Variants in SLC47A1 observed in about 807,000 individuals in gnomAD.
SLC47A1 encodes the protein multidrug and toxin extrusion protein 1.
SLC47A1 carries 58 observed loss-of-function variants against 65.8 expected under a neutral mutation model. The observed-to-expected ratio is 0.88, with a 90% CI of 0.71 to 1.10. The LOEUF (loss-of-function observed/expected upper bound fraction) is 1.10, where lower values mean the gene tolerates loss of function less well. Among genes scored for constraint, SLC47A1 ranks in the 50% least tolerant of loss-of-function variants. The pLI, the probability that SLC47A1 is intolerant of heterozygous loss-of-function variation, is 0.00. For missense variants in SLC47A1, 706 were observed against 719.2 expected (o/e 0.98, Z 0.21); for synonymous variants, 285 against 295.0 (o/e 0.97, Z 0.35).
intron 6 of SLC47A1, among the ~76,000 whole-genome samples, chr17:19,553,512 TC>T (rs1040910308): frequency 4.0e-5 from 6 of 150,656 alleles, no homozygotes; most frequent in African/African-American, 1.5e-4. Context: ...CTCCCAATCC[TC>T]CATGCCACCA....
At chr17:19,547,706 C>T (rs1916327687) in intron 3 of SLC47A1, among the ~76,000 whole-genome samples, 1 of 145,144 alleles carries the variant, frequency 6.9e-6, no homozygotes, top group Non-Finnish European at 1.5e-5. Flanking sequence ...GTGTCTAGGG[C>T]CATGGGCTTC....
chr17:19,543,634 G>A (rs1407004366), intron 2 of SLC47A1, among the ~76,000 whole-genome samples: 1 of 152,178 alleles, frequency 6.6e-6, no homozygotes, highest in Non-Finnish European at 1.5e-5. Context: ...GGGAGGAACT[G>A]CAAATCCTCT....
chr17:19,540,491 A>G (rs1467478147), intron 1 of SLC47A1, among the ~76,000 whole-genome samples: 1 of 152,170 alleles, frequency 6.6e-6, no homozygotes, highest in Non-Finnish European at 1.5e-5. Context: ...TGAATTCACA[A>G]TTTAAAGAGA....
Position 19,578,613 on chromosome 17 carries a change from C to G in SLC47A1, c.*1060C>G, listed in dbSNP as rs1308759485. On this transcript the variant is annotated 3_prime_UTR_variant, in exon 17 of 17. Transcript: ENST00000270570. ...ACCCTCAGTACATACTAAGTATGCTCAGTGCTGTGAAAGTGGATTACACCA... is the reference window on the plus strand; with the variant it reads ...ACCCTCAGTACATACTAAGTATGCTGAGTGCTGTGAAAGTGGATTACACCA... 1 of 152,572 alleles carries G rather than the reference C, an allele frequency of 6.6e-6. No homozygotes were observed. Among genetic ancestry groups the G allele is most frequent in the Non-Finnish European group, 1.5e-5 (1 of 68,318 alleles). 9.5% of individuals were successfully genotyped at this position (152,572 alleles called of 1,614,324 possible).
At position 19,562,089 on chromosome 17, in the gene SLC47A1, ACTT is replaced by A. The variant is rs138975795; in HGVS notation, c.1106+1600_1106+1602del. On this transcript the variant is annotated intron_variant, in intron 12 of 16. Transcript: ENST00000270570. ...GACTATATAGAAACTTCGTGGGGGT[ACTT>A]CTTATTTGGACACCTTTGTCAGCAG... Among the ~76,000 whole-genome samples, 649 of 152,276 alleles carry A rather than the reference ACTT, an allele frequency of 4.3e-3. 6 individuals are homozygous for A. Among genetic ancestry groups the A allele is most frequent in the African/African-American group, 0.015 (605 of 41,546 alleles).
At chr17:19,563,031 T>C (rs1281968229) in intron 12 of SLC47A1, among the ~76,000 whole-genome samples, 1 of 149,018 alleles carries the variant, frequency 6.7e-6, no homozygotes, top group East Asian at 2.0e-4. Flanking sequence ...AAATGTGGAA[T>C]AAACAGATAA....
intron 16 of SLC47A1, among the ~76,000 whole-genome samples, chr17:19,576,112 A>G (rs1376694298): frequency 6.6e-6 from 1 of 151,692 alleles, no homozygotes; most frequent in Admixed American, 6.6e-5. Context: ...ATTATTTTGT[A>G]AAAGGTTTGG....
At chr17:19,576,461 C>T (rs1295240063) in intron 16 of SLC47A1, among the ~76,000 whole-genome samples, 2 of 151,184 alleles carry the variant, frequency 1.3e-5, no homozygotes, top group African/African-American at 4.9e-5. Context: ...AGTGATCCTC[C>T]CACCTCAGTC....
Position 19,533,951 on chromosome 17 carries a change from T to C in SLC47A1, c.12T>C (p.Pro4=). 2.6e-6 allele frequency: 4 copies of C among 1,528,542 alleles called. No individual in the cohort carries two copies. Among genetic ancestry groups the C allele is most frequent in the Non-Finnish European group, 2.6e-6 (3 of 1,141,926 alleles). 94.7% of individuals were successfully genotyped at this position (1,528,542 alleles called of 1,614,324 possible). A position where few individuals can be genotyped will look rare whatever the true frequency, so the allele number is the denominator to read the frequency against. The part of the protein sequence containing the change: MEA[P]EEPAPVRGGP... ...AGCGCGCGAGTCACATGGAAGCTCCTGAGGAGCCCGCGCCAGTGCGCGGAG... is the reference window on the plus strand; with the variant it reads ...AGCGCGCGAGTCACATGGAAGCTCCCGAGGAGCCCGCGCCAGTGCGCGGAG... The change falls in exon 1 of 17, where the codon CCT becomes CCC. Residue 4 remains proline (P), a synonymous_variant. Coordinates refer to ENST00000270570, the MANE Select transcript of SLC47A1 (RefSeq NM_018242.3).
rs1391164104 is a variant in SLC47A1 at position 19,579,012 on chromosome 17, CA to C, written c.*1463del. 6.6e-6 allele frequency: 1 copy of C among 152,212 alleles called. No individual in the cohort carries two copies. The highest frequency in any genetic ancestry group is 1.5e-5 in the Non-Finnish European group (1 of 68,046). 9.4% of individuals were successfully genotyped at this position (152,212 alleles called of 1,614,324 possible). A position where few individuals can be genotyped will look rare whatever the true frequency, so the allele number is the denominator to read the frequency against. On this transcript the variant is annotated 3_prime_UTR_variant, in exon 17 of 17. Coordinates refer to ENST00000270570, the MANE Select transcript of SLC47A1 (RefSeq NM_018242.3). ...GCCCTGAACATGCAATTCTTTCTTC[CA>C]AAATAAAACATTAAATAGAGATTTT...
chr17:19,541,006 G>A (rs960636783), intron 1 of SLC47A1, among the ~76,000 whole-genome samples: 20 of 152,188 alleles, frequency 1.3e-4, no homozygotes, highest in Middle Eastern at 3.4e-3. Flanking sequence ...ATTATGGCTC[G>A]GGGGCCTGAT....
At chr17:19,551,325 G>A (rs996354365) in intron 5 of SLC47A1, 99 bp from the exon 6 acceptor site, 3 of 1,087,532 alleles carry the variant, frequency 2.8e-6, no homozygotes, top group Middle Eastern at 2.0e-4. Context: ...GCAGAGGGCA[G>A]CCGAACCTTG....
intron 3 of SLC47A1, 27 bp downstream of exon 3, chr17:19,546,530 A>G (rs1157135442): frequency 6.2e-7 from 1 of 1,605,852 alleles, no homozygotes; most frequent in African/African-American, 1.3e-5. Flanking sequence ...ACACGCTCAC[A>G]GTGACCTCAA....
intron 7 of SLC47A1, 73 bp downstream of exon 7, chr17:19,555,382 G>T: frequency 1.4e-6 from 2 of 1,479,598 alleles, no homozygotes. Flanking sequence ...GGAGAAGAGT[G>T]GGCTCTTCAG....
chr17:19,575,998 T>C (rs1483337389), intron 16 of SLC47A1, among the ~76,000 whole-genome samples: 2 of 151,896 alleles, frequency 1.3e-5, no homozygotes, highest in African/African-American at 4.8e-5. Flanking sequence ...GGATAGTAAA[T>C]GAGTACTAGG....
Position 19,574,932 on chromosome 17 carries a change from G to A in SLC47A1, c.1486+2071G>A, listed in dbSNP as rs1039927332. Among the ~76,000 whole-genome samples the A allele has an allele frequency of 8.5e-5, 13 of 152,264 alleles. 1 individual carries two copies. The highest frequency in any genetic ancestry group is 7.2e-4 in the Admixed American group (11 of 15,292). ...ATTACAGGCGTGAGCCACCACACCC[G>A]GCCTAACAATGGCACTTACTTTTAT... On this transcript the variant is annotated intron_variant, in intron 16 of 16. Transcript: ENST00000270570.
In SLC47A1 at chr17:19,560,451, T is replaced by TA. The variant is rs1189785693; in HGVS notation, c.1066dup (p.Ser356LysfsTer3). The TA allele has an allele frequency of 6.2e-7, 1 of 1,614,230 alleles. No individual in the cohort carries two copies. Among genetic ancestry groups the TA allele is most frequent in the African/African-American group, 1.3e-5 (1 of 75,046 alleles). On this transcript the variant is annotated frameshift_variant, in exon 12 of 17. Transcript: ENST00000270570. LOFTEE classifies it high-confidence loss of function. ...GCTGTAGCCTTCAGTGTCCTGCTGT[T>TA]AAGCTGTAAGGATCACGTGGGGTAC...
At chr17:19,575,283 C>T (rs546045304) in intron 16 of SLC47A1, among the ~76,000 whole-genome samples, 44 of 152,254 alleles carry the variant, frequency 2.9e-4, no homozygotes, top group Middle Eastern at 3.4e-3. Context: ...ACATTCCTAA[C>T]ATTCATCCAC....
rs762466587 is a variant in SLC47A1, at chr17:19,577,477, G to A, written c.1637G>A (p.Arg546Gln). 4.2e-5 allele frequency: 68 copies of A among 1,614,052 alleles called. No homozygotes were observed. The highest frequency in any genetic ancestry group is 5.3e-5 in the Non-Finnish European group (62 of 1,180,044). The change falls in exon 17 of 17, where the codon CGA becomes CAA. Residue 546 changes from arginine to glutamine, a missense_variant. Physicochemically the swap from Arg to Gln is conservative, Grantham distance 43. Transcript: ENST00000270570. ...KLSRKQLVLR[R>Q]GLLLLGVFLI... ...TCCAGGAAACAGCTGGTGCTGCGGC[G>A]AGGGCTTCTGCTCCTGGGGGTCTTC... is the stretch of plus-strand genomic sequence containing the variant.
Sources: gnomAD v4.1 joint callset for allele counts (sites outside exome capture counted in the v4.1 genomes callset) on GRCh38, gnomAD v4.1.1 for gene constraint, MANE v1.5 for transcripts, NCBI Gene and HGNC (gene_info 2026-07-23, HGNC 2026-07-21) for gene names.